Variants in SPG11 observed in about 807,000 individuals in gnomAD.
The protein encoded by SPG11 is SPG11 vesicle trafficking associated, spatacsin.
A neutral mutation model predicts 274.0 loss-of-function variants in SPG11; 222 were observed. The ratio of observed to expected loss-of-function variants is 0.81; its 90% CI spans 0.73 to 0.91. The LOEUF is 0.91. SPG11 is among the 40% of genes least tolerant of loss of function. The probability of loss-of-function intolerance (pLI) is 0.00; values close to 1 mark genes in which losing one functional copy is unlikely to be tolerated. For synonymous variants in SPG11, 1,144 were observed against 1,039.7 expected (o/e 1.10, Z -1.93); for missense variants, 3,114 against 2,872.7 (o/e 1.08, Z -1.92).
At chr15:44,607,344 C>T (rs1027201420) in intron 19 of SPG11, among the ~76,000 whole-genome samples, 17 of 152,120 alleles carry the variant, frequency 1.1e-4, no homozygotes, top group African/African-American at 3.4e-4. Flanking sequence ...TGCAATGGTG[C>T]GATCTCAGCT....
At position 44,613,480 on chromosome 15, in the gene SPG11, G is replaced by A. The variant is rs141106870; in HGVS notation, c.3095C>T (p.Pro1032Leu). ...ACACTGAACTAAAAATTCAAACCAA[G>A]GGTGTGCTTCATGTAACTCTTTTTT... Reference protein sequence around the residue: ...LEKKELHEAHPWFEFLVQCRQ... With the variant: ...LEKKELHEAHLWFEFLVQCRQ... The change falls in exon 17 of 40, where the codon CCT becomes CTT. Residue 1032 changes from proline to leucine, a missense_variant. Transcript: ENST00000261866. 9.0e-5 allele frequency: 145 copies of A among 1,613,814 alleles called. No homozygotes were observed. Among genetic ancestry groups the A allele is most frequent in the Non-Finnish European group, 1.2e-4 (140 of 1,179,910 alleles).
At position 44,585,840 on chromosome 15, in the gene SPG11, C is replaced by G; in HGVS notation, c.4917G>C (p.Val1639=). 1 of 1,613,854 alleles carries G rather than the reference C, an allele frequency of 6.2e-7. No individual in the cohort carries two copies. Among genetic ancestry groups the G allele is most frequent in the Non-Finnish European group, 8.5e-7 (1 of 1,179,930 alleles). Residue 1639 remains valine (V), a synonymous_variant, in exon 29 of 40, where the codon GTG becomes GTC. Transcript: ENST00000261866. ...REHLFSDGPD[V]KKLCILCQIL... ...TCTGGCAAAGGATGCAAAGCTTTTTCACATCTGGACCTGTGCCAAAGAGAA... is the reference window on the plus strand; with the variant it reads ...TCTGGCAAAGGATGCAAAGCTTTTTGACATCTGGACCTGTGCCAAAGAGAA...
At position 44,600,588 on chromosome 15, in the gene SPG11, T is replaced by G; in HGVS notation, c.3565A>C (p.Asn1189His). 6.2e-7 allele frequency: 1 copy of G among 1,614,200 alleles called. No homozygotes were observed. Among genetic ancestry groups the G allele is most frequent in the Non-Finnish European group, 8.5e-7 (1 of 1,180,024 alleles). ...AGACGTTCCACTATAGCATATTTAT[T>G]AACCAGGTCAGGGCTAGAGAAATGT... Reference protein sequence around the residue: ...LPHFSSPDLVNKYAIVERLNF... With the variant: ...LPHFSSPDLVHKYAIVERLNF... The change falls in exon 21 of 40, where the codon AAT becomes CAT. Residue 1189 changes from asparagine (N) to histidine (H), a missense_variant. Transcript: ENST00000261866.
chr15:44,616,839 A>T (rs1369385100), intron 15 of SPG11, among the ~76,000 whole-genome samples: 2 of 152,216 alleles, frequency 1.3e-5, no homozygotes, highest in Admixed American at 1.3e-4. Flanking sequence ...CCTTCTAGCC[A>T]ACATCATATT....
intron 19 of SPG11, 70 bp downstream of exon 19, chr15:44,608,374 A>T: frequency 1.3e-6 from 2 of 1,519,268 alleles, no homozygotes; most frequent in Non-Finnish European, 1.8e-6. Flanking sequence ...CGGTTGAAAG[A>T]TCTAGAGTGA....
At position 44,620,359 on chromosome 15, in the gene SPG11, C is replaced by G. The variant is rs780597150; in HGVS notation, c.2665G>C (p.Ala889Pro). ...ATAATGTTTAACCAATCATGGCGAG[C>G]TGTGAGGTATCTCCAGAGGGCTTCA... ...SPEALWRYLT[A>P]RHDWLNIILW... The change falls in exon 15 of 40, where the codon GCT becomes CCT. Residue 889 changes from alanine to proline, a missense_variant. Coordinates refer to ENST00000261866, the MANE Select transcript of SPG11 (RefSeq NM_025137.4). 1.2e-6 allele frequency: 2 copies of G among 1,613,862 alleles called. No individual in the cohort carries two copies. Among genetic ancestry groups the G allele is most frequent in the Non-Finnish European group, 1.7e-6 (2 of 1,179,990 alleles).
chr15:44,637,022 T>C (rs2084297797), intron 7 of SPG11, among the ~76,000 whole-genome samples: 1 of 149,742 alleles, frequency 6.7e-6, no homozygotes, highest in Non-Finnish European at 1.5e-5. Flanking sequence ...TTTAACTTAA[T>C]GTTCATTTTA....
At position 44,584,071 on chromosome 15, in the gene SPG11, A is replaced by T. The variant is rs1262707167; in HGVS notation, c.5609T>A (p.Leu1870Ter). Reference sequence around the variant, plus strand: ...TAGTGACTCCTGCTCTTTCCAATCCAATCTATTCTCGCATGTCTCTTTGGA... The same window carrying T: ...TAGTGACTCCTGCTCTTTCCAATCCTATCTATTCTCGCATGTCTCTTTGGA... ...LPSKETCENR[L>*]DWKEQESLNF... is the part of the protein sequence containing the mutation. The change falls in exon 30 of 40, where the codon TTG (leucine) becomes TAG (stop). Residue 1870 changes from leucine (L) to a stop codon, truncating the protein, a stop_gained. Transcript: ENST00000261866. LOFTEE classifies it high-confidence loss of function. 1 of 1,614,186 alleles carries T rather than the reference A, an allele frequency of 6.2e-7. No homozygotes were observed. Among genetic ancestry groups the T allele is most frequent in the Non-Finnish European group, 8.5e-7 (1 of 1,180,032 alleles).
intron 32 of SPG11, 153 bp downstream of exon 32, chr15:44,573,394 T>C (rs2082465178): frequency 2.7e-6 from 2 of 751,488 alleles, no homozygotes; most frequent in Non-Finnish European, 4.7e-6. Context: ...ATAAAGCATG[T>C]ATTTTGTTTT....
In SPG11 at chr15:44,569,491, A is replaced by ACAG; in HGVS notation, c.6491_6492insCTG (p.Thr2164_Gly2165insCys). On this transcript the variant is annotated inframe_insertion, in exon 35 of 40. Transcript: ENST00000261866. ...TCATCTCGTTGTACCTTCCAATGCCAGTGAGGAGCCGTACCTGTGAAGTGG... is the reference window on the plus strand; with the variant it reads ...TCATCTCGTTGTACCTTCCAATGCCACAGGTGAGGAGCCGTACCTGTGAAGTGG... The ACAG allele has an allele frequency of 6.3e-7, 1 of 1,593,696 alleles. No homozygotes were observed. Among genetic ancestry groups the ACAG allele is most frequent in the Non-Finnish European group, 8.6e-7 (1 of 1,169,136 alleles).
chr15:44,596,090 C>T lies in SPG11; in HGVS notation c.4427G>A (p.Cys1476Tyr). The part of the protein sequence containing the change: ...QAPILSVLAS[C>Y]LQGASAISCL... The stretch of plus-strand genomic sequence containing the variant: ...GCTTCTCATGATCCTCACCTGGAGA[C>T]ATGAGGCCAGAACACTGAGGATAGG... The change falls in exon 25 of 40, where the codon TGT becomes TAT. Residue 1476 changes from cysteine (C) to tyrosine (Y), a missense_variant. Physicochemically the swap from Cys to Tyr is radical, Grantham distance 194 (BLOSUM62 -2). Transcript: ENST00000261866. The T allele has an allele frequency of 6.2e-7, 1 of 1,613,386 alleles. No individual in the cohort carries two copies. Among genetic ancestry groups the T allele is most frequent in the Non-Finnish European group, 8.5e-7 (1 of 1,180,022 alleles).
At chr15:44,586,241 T>C (rs911742623) in intron 28 of SPG11, among the ~76,000 whole-genome samples, 2 of 152,056 alleles carry the variant, frequency 1.3e-5, no homozygotes, top group Non-Finnish European at 2.9e-5. Context: ...TTTTCTACTC[T>C]GGTTGACTAG....
chr15:44,590,749 G>A (rs1054882504), intron 27 of SPG11: 1 of 152,042 alleles, frequency 6.6e-6, no homozygotes, highest in African/African-American at 2.4e-5. Flanking sequence ...CTTAACTGCC[G>A]GGTTTCAAAA....
At chr15:44,608,411 T>C (rs761687331) in intron 19 of SPG11, 33 bp downstream of exon 19, 46 of 1,609,236 alleles carry the variant, frequency 2.9e-5, no homozygotes, top group Middle Eastern at 3.3e-4. Flanking sequence ...TGAACTCTGA[T>C]AGACCTAAAT....
chr15:44,563,634 G>C (rs745679374), intron 39 of SPG11, among the ~76,000 whole-genome samples: 3 of 151,332 alleles, frequency 2.0e-5, no homozygotes, highest in Non-Finnish European at 4.4e-5. Context: ...CACTGTGGCT[G>C]CCCTTTTTTT....
rs312262721 is a variant in SPG11 at position 44,657,094 on chromosome 15, C to A, written c.869+1G>T. 6.2e-7 allele frequency: 1 copy of A among 1,613,436 alleles called. No homozygotes were observed. Among genetic ancestry groups the A allele is most frequent in the South Asian group, 1.1e-5 (1 of 91,002 alleles). ...ATTAGAAACTGCAGTCATCTACATA[C>A]CTGAAATACAAATTTAAGTTAAGAG... On this transcript the variant is annotated splice_donor_variant, in intron 4 of 39. Coordinates refer to ENST00000261866, the MANE Select transcript of SPG11 (RefSeq NM_025137.4). LOFTEE classifies it high-confidence loss of function.
chr15:44,633,083 C>T (rs866490216), intron 8 of SPG11, among the ~76,000 whole-genome samples: 5 of 151,820 alleles, frequency 3.3e-5, no homozygotes, highest in Admixed American at 6.6e-5. Flanking sequence ...TGGTGGCTCA[C>T]GCCTGTAATC....
intron 20 of SPG11, among the ~76,000 whole-genome samples, chr15:44,603,321 C>T (rs899756260): frequency 5.9e-5 from 9 of 152,128 alleles, no homozygotes; most frequent in Non-Finnish European, 1.3e-4. Flanking sequence ...TTGAATTCCT[C>T]GCCTCAAGCA....
chr15:44,577,975 C>T lies in SPG11; in HGVS notation c.5867-2934G>A, dbSNP rs572368558. On this transcript the variant is annotated intron_variant, in intron 30 of 39. Coordinates refer to ENST00000261866, the MANE Select transcript of SPG11 (RefSeq NM_025137.4). Reference sequence around the variant, plus strand: ...GCAGTGGTGGGAGAGGCTGCAGTGACAGCAGGCAAGAGCTAAGGCTCTCAG... The same window carrying T: ...GCAGTGGTGGGAGAGGCTGCAGTGATAGCAGGCAAGAGCTAAGGCTCTCAG... Among the ~76,000 whole-genome samples, 4 of 150,744 alleles carry T rather than the reference C, an allele frequency of 2.7e-5. No individual in the cohort carries two copies. In the South Asian group the frequency reaches 8.4e-4, roughly 32 times the overall value.
Sources: gnomAD v4.1 joint callset for allele counts (sites outside exome capture counted in the v4.1 genomes callset) on GRCh38, gnomAD v4.1.1 for gene constraint, MANE v1.5 for transcripts, NCBI Gene and HGNC (gene_info 2026-07-23, HGNC 2026-07-21) for gene names.